Variants in MARCHF3 observed in about 807,000 individuals in gnomAD.
The protein encoded by MARCHF3 is E3 ubiquitin-protein ligase MARCHF3.
Under a neutral mutation model 24.2 loss-of-function variants are expected in MARCHF3, and 13 were observed. The ratio of observed to expected loss-of-function variants is 0.54; its 90% CI spans 0.35 to 0.85. The LOEUF is 0.85. Among genes scored for constraint, MARCHF3 ranks in the 40% least tolerant of loss-of-function variants. The pLI, the probability that MARCHF3 is intolerant of heterozygous loss-of-function variation, is 0.01. For missense variants in MARCHF3, 276 were observed against 325.0 expected (o/e 0.85, Z 1.16); for synonymous variants, 144 against 137.3 (o/e 1.05, Z -0.34).
intron 1 of MARCHF3, among the ~76,000 whole-genome samples, chr5:126,965,254 T>C (rs1750767667): frequency 6.6e-6 from 1 of 152,158 alleles, no homozygotes; most frequent in African/African-American, 2.4e-5. Flanking sequence ...ACCAATGCTC[T>C]ATTAAAGTAA....
chr5:126,896,206 G>T (rs998027283), intron 3 of MARCHF3, among the ~76,000 whole-genome samples: 2 of 152,154 alleles, frequency 1.3e-5, no homozygotes, highest in African/African-American at 2.4e-5. Context: ...TGCGCCCACT[G>T]TCTGGCACTC....
intron 1 of MARCHF3, among the ~76,000 whole-genome samples, chr5:126,975,343 GTTTTC>G (rs924773941): frequency 1.3e-5 from 2 of 152,054 alleles, no homozygotes; most frequent in African/African-American, 4.8e-5. Flanking sequence ...TTTTTATTAA[GTTTTC>G]TTCTCTTTTT....
intron 1 of MARCHF3, among the ~76,000 whole-genome samples, chr5:127,021,912 A>C (rs1752816496): frequency 6.6e-6 from 1 of 152,226 alleles, no homozygotes; most frequent in Admixed American, 6.5e-5. Flanking sequence ...CAAATTAAGA[A>C]TCTATCAACA....
chr5:126,915,744 G>A lies in MARCHF3; in HGVS notation c.189-610C>T, dbSNP rs79828691. On this transcript the variant is annotated intron_variant, in intron 2 of 4. Transcript: ENST00000308660. Reference sequence around the variant, plus strand: ...ATACCAAACTGAAAGCGAGTAATGAGTATGTCCCACTGAGGTAGCCTCAGT... The same window carrying A: ...ATACCAAACTGAAAGCGAGTAATGAATATGTCCCACTGAGGTAGCCTCAGT... Among the ~76,000 whole-genome samples the A allele has an allele frequency of 9.7e-3, 1,482 of 152,298 alleles. 17 individuals are homozygous for A. Among genetic ancestry groups the A allele is most frequent in the African/African-American group, 0.034 (1,413 of 41,554 alleles).
intron 1 of MARCHF3, among the ~76,000 whole-genome samples, chr5:127,003,740 G>A (rs1172420923): frequency 1.3e-5 from 2 of 152,210 alleles, no homozygotes; most frequent in Non-Finnish European, 2.9e-5. Context: ...TAGATGAGGA[G>A]TGAAGAGAAA....
chr5:126,935,900 C>T (rs1271987808), intron 1 of MARCHF3, among the ~76,000 whole-genome samples: 1 of 151,976 alleles, frequency 6.6e-6, no homozygotes, highest in African/African-American at 2.4e-5. Flanking sequence ...CATGAGCCAC[C>T]ACACCTGGCC....
intron 1 of MARCHF3, among the ~76,000 whole-genome samples, chr5:126,956,469 C>G (rs962897477): frequency 1.3e-5 from 2 of 151,640 alleles, no homozygotes; most frequent in Non-Finnish European, 2.9e-5. Context: ...GAAACTCTGT[C>G]TCTACTAAAA....
intron 1 of MARCHF3, among the ~76,000 whole-genome samples, chr5:126,978,655 A>T (rs1257006072): frequency 1.3e-5 from 2 of 152,204 alleles, no homozygotes; most frequent in Non-Finnish European, 2.9e-5. Flanking sequence ...TTCATTCAAC[A>T]TTCCCCTCAC....
chr5:126,936,793 C>T (rs1435495930), intron 1 of MARCHF3, among the ~76,000 whole-genome samples: 2 of 152,138 alleles, frequency 1.3e-5, no homozygotes, highest in African/African-American at 2.4e-5. Flanking sequence ...AAAGCACATG[C>T]CCTCGCCATA....
intron 1 of MARCHF3, among the ~76,000 whole-genome samples, chr5:127,011,684 C>T (rs951023134): frequency 1.3e-5 from 2 of 152,162 alleles, no homozygotes; most frequent in Non-Finnish European, 2.9e-5. Flanking sequence ...TATTATCACA[C>T]CTTCAAATAT....
At chr5:126,888,633 T>C (rs553230357) in intron 3 of MARCHF3, among the ~76,000 whole-genome samples, 2 of 152,300 alleles carry the variant, frequency 1.3e-5, no homozygotes, top group African/African-American at 2.4e-5. Context: ...ATCTGATCAA[T>C]GTAAAGCAAG....
chr5:126,959,223 T>C (rs1750559684), intron 1 of MARCHF3, among the ~76,000 whole-genome samples: 2 of 152,226 alleles, frequency 1.3e-5, no homozygotes, highest in Non-Finnish European at 2.9e-5. Flanking sequence ...TGATAGGGCA[T>C]GTTGGTAGTA....
intron 1 of MARCHF3, among the ~76,000 whole-genome samples, chr5:127,001,762 G>A (rs1230753337): frequency 6.6e-6 from 1 of 152,204 alleles, no homozygotes; most frequent in Non-Finnish European, 1.5e-5. Context: ...CCACATAGCA[G>A]ACAGTCATCA....
At chr5:126,886,499 G>A (rs768855761) in intron 3 of MARCHF3, among the ~76,000 whole-genome samples, 15 of 152,158 alleles carry the variant, frequency 9.9e-5, no homozygotes, top group Admixed American at 5.2e-4. Context: ...AGTCAAAAAT[G>A]GGAGTCTACC....
At chr5:126,935,556 G>A (rs1235048857) in intron 1 of MARCHF3, among the ~76,000 whole-genome samples, 1 of 135,908 alleles carries the variant, frequency 7.4e-6, no homozygotes, top group Non-Finnish European at 1.6e-5. Flanking sequence ...TAACAGAGCA[G>A]AAAACACCAA....
intron 1 of MARCHF3, among the ~76,000 whole-genome samples, chr5:126,991,088 C>T (rs1434153827): frequency 6.6e-6 from 1 of 152,170 alleles, no homozygotes; most frequent in Non-Finnish European, 1.5e-5. Flanking sequence ...ACTATAAAGA[C>T]ACATGTACAT....
At chr5:126,942,999 A>G (rs898080537) in intron 1 of MARCHF3, among the ~76,000 whole-genome samples, 4 of 152,212 alleles carry the variant, frequency 2.6e-5, no homozygotes, top group Admixed American at 1.3e-4. Flanking sequence ...TAAAAATAAT[A>G]TTAAGGCCAG....
At chr5:126,949,055 T>C (rs1750129002) in intron 1 of MARCHF3, among the ~76,000 whole-genome samples, 1 of 152,182 alleles carries the variant, frequency 6.6e-6, no homozygotes, top group Admixed American at 6.5e-5. Flanking sequence ...ATAAACATTC[T>C]TTTGAGTAGA....
At chr5:126,900,536 C>T (rs1388282614) in intron 3 of MARCHF3, among the ~76,000 whole-genome samples, 2 of 151,982 alleles carry the variant, frequency 1.3e-5, no homozygotes, top group South Asian at 2.1e-4. Context: ...ACTATGTCGG[C>T]ACCCTGACCT....
Sources: allele counts gnomAD v4.1 joint callset (sites outside exome capture counted in the v4.1 genomes callset), GRCh38; gene constraint gnomAD v4.1.1; transcripts MANE v1.5; gene names NCBI Gene and HGNC (gene_info 2026-07-23, HGNC 2026-07-21).